The following ZFP1 variants were observed in gnomAD, a reference collection of about 807,000 sequenced individuals.
ZFP1 encodes ZFP1 zinc finger protein, also known as zinc finger protein 1 homolog.
In ZFP1, 32 loss-of-function variants were observed where a neutral mutation model predicts 38.5. The observed-to-expected ratio is 0.83, with a 90% CI of 0.63 to 1.12. ZFP1 has a LOEUF of 1.12. Among genes scored for constraint, ZFP1 ranks in the 50% most tolerant of loss-of-function variants. The pLI is 0.00. For synonymous variants in ZFP1, 245 were observed against 168.8 expected (o/e 1.45, Z -3.50); for missense variants, 616 against 480.8 (o/e 1.28, Z -2.63).
At chr16:75,134,947 G>C in the ZFP1 span, among the ~76,000 whole-genome samples, 2 of 151,176 alleles carry the variant, frequency 1.3e-5, no homozygotes, top group Non-Finnish European at 2.9e-5. Flanking sequence ...CCAGCTACTC[G>C]GGAGGCTGAG....
chr16:75,134,373 C>T, the ZFP1 span, among the ~76,000 whole-genome samples: 1 of 152,068 alleles, frequency 6.6e-6, no homozygotes, highest in Non-Finnish European at 1.5e-5. Context: ...TTAAGTTGGT[C>T]ATTAAAGATA....
At chr16:75,134,892 T>C in the ZFP1 span, among the ~76,000 whole-genome samples, 1 of 150,566 alleles carries the variant, frequency 6.6e-6, no homozygotes, top group Non-Finnish European at 1.5e-5. Flanking sequence ...ACCCCATCTC[T>C]ACTAAAAATA....
intron 1 of ZFP1, among the ~76,000 whole-genome samples, chr16:75,151,958 T>G (rs1317277045): frequency 6.6e-6 from 1 of 152,236 alleles, no homozygotes; most frequent in African/African-American, 2.4e-5. Flanking sequence ...TTGCTGGGTA[T>G]AGAATTCTGA....
At chr16:75,147,072 G>C (rs11860290), upstream of ZFP1, among the ~76,000 whole-genome samples, 80,190 of 151,798 alleles carry the variant, frequency 0.53, 21,950 homozygotes, top group East Asian at 0.71. Context: ...ATGACAACCT[G>C]CAAAAGGCAA....
the ZFP1 span, among the ~76,000 whole-genome samples, chr16:75,130,594 G>A: frequency 1.3e-5 from 2 of 152,118 alleles, no homozygotes; most frequent in Admixed American, 6.5e-5. Flanking sequence ...CTGATCATCC[G>A]TTTCAGGTTT....
intron 2 of ZFP1, among the ~76,000 whole-genome samples, 187 bp downstream of exon 2, chr16:75,153,153 A>G (rs972153842): frequency 2.6e-5 from 4 of 152,244 alleles, no homozygotes; most frequent in African/African-American, 9.6e-5. Flanking sequence ...ATGAATACCA[A>G]TTATTTGGTT....
At chr16:75,119,499 G>C in the ZFP1 span, 4 of 151,994 alleles carry the variant, frequency 2.6e-5, no homozygotes, top group African/African-American at 7.3e-5. Context: ...TGGTGTTTGA[G>C]CTCGCAACCA....
chr16:75,161,757 A>AATATATATATATATATATATATATATAT lies in ZFP1; in HGVS notation c.16-4995_16-4994insATATATATATATATATATATATATATAT. On this transcript the variant is annotated intron_variant, in intron 2 of 3. Coordinates refer to ENST00000570010, the MANE Select transcript of ZFP1 (RefSeq NM_153688.4). ...CAAATAAAGCATAGTAGTTTTATGA[A>AATATATATATATATATATATATATATAT]ATATATATATATATATATTTTTTTT... Among the ~76,000 whole-genome samples the AATATATATATATATATATATATATATAT allele has an allele frequency of 1.0e-3, 15 of 14,292 alleles. 1 individual carries two copies. The highest frequency in any genetic ancestry group is 1.9e-3 in the African/African-American group (7 of 3,726). 9.4% of individuals were successfully genotyped at this position (14,292 alleles called of 152,430 possible). A position where few individuals can be genotyped will look rare whatever the true frequency, so the allele number is the denominator to read the frequency against.
At chr16:75,151,619 C>T (rs185232835) in intron 1 of ZFP1, among the ~76,000 whole-genome samples, 4 of 152,114 alleles carry the variant, frequency 2.6e-5, no homozygotes, top group African/African-American at 7.2e-5. Flanking sequence ...TTCATCCTCC[C>T]GTCTTTTGCA....
At chr16:75,123,659 G>A in the ZFP1 span, among the ~76,000 whole-genome samples, 1 of 150,654 alleles carries the variant, frequency 6.6e-6, no homozygotes, top group African/African-American at 2.4e-5. Context: ...TTGTATTTTA[G>A]TAGAGACAGA....
intron 1 of ZFP1, among the ~76,000 whole-genome samples, chr16:75,150,955 C>T (rs924151033): frequency 5.9e-5 from 9 of 151,906 alleles, no homozygotes; most frequent in Admixed American, 2.0e-4. Context: ...TGCAGGTGTG[C>T]GCCCTAATCC....
the ZFP1 span, among the ~76,000 whole-genome samples, chr16:75,135,874 G>C: frequency 1.3e-5 from 2 of 152,132 alleles, no homozygotes; most frequent in African/African-American, 4.8e-5. Flanking sequence ...GAGTACAGTG[G>C]CCCAATCTTG....
At chr16:75,148,783 G>T (rs1319805240) in intron 1 of ZFP1, 140 bp downstream of exon 1, 1 of 152,280 alleles carries the variant, frequency 6.6e-6, no homozygotes, top group African/African-American at 2.4e-5. Context: ...GCGGCGTCCG[G>T]GGTTGCCCGG....
chr16:75,128,883 G>A, the ZFP1 span, among the ~76,000 whole-genome samples: 9 of 152,094 alleles, frequency 5.9e-5, no homozygotes, highest in African/African-American at 2.2e-4. Flanking sequence ...CTCCGCCTCC[G>A]GGGTTCAAGC....
At chr16:75,136,688 G>T in the ZFP1 span, among the ~76,000 whole-genome samples, 1 of 151,970 alleles carries the variant, frequency 6.6e-6, no homozygotes. Flanking sequence ...GGACAGCATG[G>T]TGAAACCCCA....
At chr16:75,143,540 C>A (rs1002052984), upstream of ZFP1, among the ~76,000 whole-genome samples, 1 of 152,018 alleles carries the variant, frequency 6.6e-6, no homozygotes, top group African/African-American at 2.4e-5. Flanking sequence ...GCCACTGTGC[C>A]CAGCCCTGTT....
chr16:75,151,179 C>G (rs1467397657), intron 1 of ZFP1, among the ~76,000 whole-genome samples: 1 of 145,858 alleles, frequency 6.9e-6, no homozygotes, highest in Non-Finnish European at 1.5e-5. Context: ...ATTCTTTTAT[C>G]TTTTTTTTTT....
At chr16:75,151,178 T>C (rs1370532574) in intron 1 of ZFP1, among the ~76,000 whole-genome samples, 2 of 151,664 alleles carry the variant, frequency 1.3e-5, no homozygotes, top group African/African-American at 4.8e-5. Context: ...CATTCTTTTA[T>C]CTTTTTTTTT....
At chr16:75,124,863 G>GTTTT in the ZFP1 span, among the ~76,000 whole-genome samples, 1 of 127,630 alleles carries the variant, frequency 7.8e-6, no homozygotes, top group Non-Finnish European at 1.6e-5. Context: ...AAATAAAGAG[G>GTTTT]TTTTTTTTTT....
Sources: allele counts gnomAD v4.1 joint callset (sites outside exome capture counted in the v4.1 genomes callset), GRCh38; gene constraint gnomAD v4.1.1; transcripts MANE v1.5; gene names NCBI Gene and HGNC (gene_info 2026-07-23, HGNC 2026-07-21).